Variants in SLC38A10 observed in about 807,000 individuals in gnomAD.
SLC38A10 encodes solute carrier family 38 member 10.
Under a neutral mutation model 81.0 loss-of-function variants are expected in SLC38A10, and 53 were observed. The ratio of observed to expected loss-of-function variants is 0.65; its 90% CI spans 0.53 to 0.82. The LOEUF is 0.82. Ranked by LOEUF, SLC38A10 falls within the 40% of genes least tolerant of loss-of-function variation. The pLI, the probability that SLC38A10 is intolerant of heterozygous loss-of-function variation, is 0.00. For synonymous variants in SLC38A10, 665 were observed against 655.3 expected (o/e 1.01, Z -0.23); for missense variants, 1,471 against 1,545.0 (o/e 0.95, Z 0.80).
chr17:81,287,079 C>T (rs1380653122), intron 2 of SLC38A10, among the ~76,000 whole-genome samples: 4 of 152,144 alleles, frequency 2.6e-5, no homozygotes, highest in Admixed American at 6.5e-5. Flanking sequence ...GAGAAGGTGA[C>T]GAAAACGACA....
At chr17:81,267,409 T>C (rs867848087) in intron 10 of SLC38A10, among the ~76,000 whole-genome samples, 4 of 152,122 alleles carry the variant, frequency 2.6e-5, no homozygotes, top group East Asian at 1.9e-4. Flanking sequence ...GCCCTCCCCC[T>C]CCTTCTTCTT....
chr17:81,274,145 C>T (rs2063140587), intron 8 of SLC38A10, among the ~76,000 whole-genome samples: 1 of 152,254 alleles, frequency 6.6e-6, no homozygotes, highest in Non-Finnish European at 1.5e-5. Context: ...TGGCCAGATG[C>T]GCGGAGGGAC....
Position 81,294,888 on chromosome 17 carries a change from T to A in SLC38A10, c.34A>T (p.Ile12Phe). The change falls in exon 1 of 16, where the codon ATC (isoleucine) becomes TTC (phenylalanine). Residue 12 changes from isoleucine to phenylalanine, a missense_variant. Around this residue, in one of 2 missense-constraint regions of SLC38A10, gnomAD observed 720 missense variants for 827.7 expected, o/e 0.87. Coordinates refer to ENST00000374759, the MANE Select transcript of SLC38A10 (RefSeq NM_001037984.3). ...ACGATGCTGTTCACGATGTTCGTGA[T>A]CAGCCCCCAGTTGGAGGCGGCGGCC... ...TAAAASNWGL[I>F]TNIVNSIVGV... 6.3e-7 allele frequency: 1 copy of A among 1,595,194 alleles called. No individual in the cohort carries two copies. The highest frequency in any genetic ancestry group is 1.7e-5 in the Admixed American group (1 of 57,752).
At chr17:81,258,076 G>C (rs2062988838) in intron 11 of SLC38A10, among the ~76,000 whole-genome samples, 1 of 152,214 alleles carries the variant, frequency 6.6e-6, no homozygotes. Flanking sequence ...GCCGTGCATG[G>C]GGCCCCGGCT....
chr17:81,286,971 A>C lies in SLC38A10; in HGVS notation c.218-2076T>G, dbSNP rs1192350648. 6.6e-6 allele frequency among the ~76,000 whole-genome samples: 1 copy of C among 152,236 alleles called. No homozygotes were observed. The highest frequency in any genetic ancestry group is 1.5e-5 in the Non-Finnish European group (1 of 68,044). ...CTTCATGAGAAGCCGCGACAGCTGA[A>C]GGAGGCTGAATGACTGATGTATCTG... is the stretch of plus-strand genomic sequence containing the variant. On this transcript the variant is annotated intron_variant, in intron 2 of 15. Transcript: ENST00000374759. The surrounding 1 kb of genome is among the most constrained non-coding windows in gnomAD (Gnocchi z 6.0).
Position 81,249,088 on chromosome 17 carries a change from A to G in SLC38A10, c.2066-2027T>C, listed in dbSNP as rs144841421. Among the ~76,000 whole-genome samples, 180 of 150,292 alleles carry G rather than the reference A, an allele frequency of 1.2e-3. 2 individuals carry two copies. In the East Asian group the frequency reaches 0.027, roughly 23 times the overall value. ...CCATGTGCTGGTGACACCTCCCCAT[A>G]CTCCAGGGCAGGGTTCCGAAAGAGC... is the stretch of plus-strand genomic sequence containing the variant. On this transcript the variant is annotated intron_variant, in intron 14 of 15. Coordinates refer to ENST00000374759, the MANE Select transcript of SLC38A10 (RefSeq NM_001037984.3).
chr17:81,272,645 A>G lies in SLC38A10; in HGVS notation c.913-18T>C. The G allele has an allele frequency of 6.6e-7, 1 of 1,518,326 alleles. No individual in the cohort carries two copies. The highest frequency in any genetic ancestry group is 8.8e-7 in the Non-Finnish European group (1 of 1,133,162). 94.1% of individuals were successfully genotyped at this position (1,518,326 alleles called of 1,614,324 possible). A position where few individuals can be genotyped will look rare whatever the true frequency, so the allele number is the denominator to read the frequency against. On this transcript the variant is annotated intron_variant, in intron 8 of 15. Transcript: ENST00000374759. ...TCTTTTTGCTGTACAAAAGAAAAAC[A>G]AAAGGTTTTGAAATGACTGATTTCC...
chr17:81,271,211 G>C (rs545721619), intron 9 of SLC38A10, among the ~76,000 whole-genome samples, 187 bp from the exon 10 acceptor site: 1 of 152,356 alleles, frequency 6.6e-6, no homozygotes, highest in Non-Finnish European at 1.5e-5. Flanking sequence ...TCCTCCAACA[G>C]TGCATTTAGG....
intron 10 of SLC38A10, among the ~76,000 whole-genome samples, chr17:81,261,611 G>A (rs1812524766): frequency 6.6e-6 from 1 of 152,268 alleles, no homozygotes; most frequent in African/African-American, 2.4e-5. Context: ...GCTGGTGGCA[G>A]CTGAAAAAGA....
rs1313421618 is a variant in SLC38A10 at position 81,277,179 on chromosome 17, C to T, written c.627-46G>A. ...TCACAGCGGACCTGAGAGAGGCACG[C>T]CCTCCCCAGCGGCTCCACTTCTAGG... On this transcript the variant is annotated intron_variant, in intron 6 of 15. Coordinates refer to ENST00000374759, the MANE Select transcript of SLC38A10 (RefSeq NM_001037984.3). This position sits in a 1 kb window ranked among gnomAD's most constrained non-coding sequence, Gnocchi z 4.5. 6.4e-7 allele frequency: 1 copy of T among 1,569,250 alleles called. No individual in the cohort carries two copies. Among genetic ancestry groups the T allele is most frequent in the Non-Finnish European group, 8.8e-7 (1 of 1,142,428 alleles).
rs1349390349 is a variant in SLC38A10, at chr17:81,247,318, A to T, written c.2066-257T>A. The T allele has an allele frequency of 3.3e-5, 12 of 369,076 alleles. No homozygotes were observed. In the East Asian group the frequency reaches 5.0e-4, roughly 15 times the overall value. 22.9% of individuals were successfully genotyped at this position (369,076 alleles called of 1,614,324 possible). Reference sequence around the variant, plus strand: ...CCACCCGGGATGGCCTCTCCCGCACAGCCAGCCACTGTGCCGCATCAGTTC... The same window carrying T: ...CCACCCGGGATGGCCTCTCCCGCACTGCCAGCCACTGTGCCGCATCAGTTC... On this transcript the variant is annotated intron_variant, in intron 14 of 15. Coordinates refer to ENST00000374759, the MANE Select transcript of SLC38A10 (RefSeq NM_001037984.3).
intron 10 of SLC38A10, among the ~76,000 whole-genome samples, chr17:81,266,823 C>T (rs1047531023): frequency 9.9e-5 from 15 of 152,248 alleles, no homozygotes; most frequent in African/African-American, 2.9e-4. Flanking sequence ...AGTGTAAAGA[C>T]GGCAATTCCC....
chr17:81,272,583 G>C lies in SLC38A10; in HGVS notation c.957C>G (p.Leu319=). Residue 319 remains leucine, a synonymous_variant, in exon 9 of 16, where the codon CTC becomes CTG. Transcript: ENST00000374759. ...TFAAGGYMPP[L]RFKALTLSVV... ...CAGAGAGGGTAAGTGCTTTAAACCG[G>C]AGAGGGGGCATGTAGCCCCCTGCTG... 6.3e-7 allele frequency: 1 copy of C among 1,585,898 alleles called. No homozygotes were observed. The highest frequency in any genetic ancestry group is 1.2e-5 in the South Asian group (1 of 86,846).
rs2062942731 is a variant in SLC38A10 at position 81,253,700 on chromosome 17, TCACCATCAC to T, written c.1289-469_1289-461del. On this transcript the variant is annotated intron_variant, in intron 11 of 15. Coordinates refer to ENST00000374759, the MANE Select transcript of SLC38A10 (RefSeq NM_001037984.3). This position sits in a 1 kb window ranked among gnomAD's most constrained non-coding sequence, Gnocchi z 4.1. Reference sequence around the variant, plus strand: ...ATCCCTACCACCAACATCACCATCATCACCATCACCATCACCATCATCACCATCTCCATC... The same window carrying T: ...ATCCCTACCACCAACATCACCATCATCATCACCATCATCACCATCTCCATC... Among the ~76,000 whole-genome samples, 1 of 144,672 alleles carries T rather than the reference TCACCATCAC, an allele frequency of 6.9e-6. No homozygotes were observed. The highest frequency in any genetic ancestry group is 2.6e-5 in the African/African-American group (1 of 38,574). 94.9% of individuals were successfully genotyped at this position (144,672 alleles called of 152,430 possible).
intron 1 of SLC38A10, among the ~76,000 whole-genome samples, chr17:81,294,482 T>TA (rs1281821572): frequency 1.3e-5 from 2 of 152,226 alleles, no homozygotes; most frequent in Admixed American, 6.5e-5. Context: ...TCAGAGTTTT[T>TA]AAAAACACGA....
In SLC38A10 at chr17:81,251,556, C is replaced by G. The variant is rs546752852; in HGVS notation, c.2002G>C (p.Glu668Gln). 21 of 1,509,838 alleles carry G rather than the reference C, an allele frequency of 1.4e-5. No homozygotes were observed. Among genetic ancestry groups the G allele is most frequent in the Non-Finnish European group, 1.8e-5 (20 of 1,134,354 alleles). The allele number at this position is 1,509,838 out of a possible 1,614,324, so 93.5% of individuals were successfully genotyped here. A position where few individuals can be genotyped will look rare whatever the true frequency, so the allele number is the denominator to read the frequency against. The change falls in exon 14 of 16, where the codon GAG becomes CAG. Residue 668 changes from glutamate to glutamine, a missense_variant. By Grantham distance (29) the Glu-to-Gln change is conservative. Around this residue, in one of 2 missense-constraint regions of SLC38A10, gnomAD observed 751 missense variants for 717.4 expected, o/e 1.05. Coordinates refer to ENST00000374759, the MANE Select transcript of SLC38A10 (RefSeq NM_001037984.3). ...TCCACGTCCCTCTGCTCGCGAGGCT[C>G]GGGCGGCAGCCCAGGCCCTGGAGCC... ...KPAPGPGLPP[E>Q]PREQRDVERA... is the part of the protein sequence containing the mutation.
At chr17:81,256,281 C>G (rs901951458) in intron 11 of SLC38A10, among the ~76,000 whole-genome samples, 1 of 152,190 alleles carries the variant, frequency 6.6e-6, no homozygotes. Flanking sequence ...CAGACATGCT[C>G]GGGGACTTGG....
chr17:81,278,134 A>G (rs1023183206), intron 6 of SLC38A10, among the ~76,000 whole-genome samples: 1 of 151,856 alleles, frequency 6.6e-6, no homozygotes, highest in Non-Finnish European at 1.5e-5. Flanking sequence ...GAAAGAAAAC[A>G]CAGGACATCA....
At chr17:81,293,046 C>T (rs148933785) in intron 1 of SLC38A10, among the ~76,000 whole-genome samples, 2,508 of 152,266 alleles carry the variant, frequency 0.016, 71 homozygotes, top group African/African-American at 0.058. Context: ...GCCTGTAATC[C>T]CAGCTACTTG....
Sources: gnomAD v4.1 joint callset for allele counts (sites outside exome capture counted in the v4.1 genomes callset) on GRCh38, gnomAD v4.1.1 for gene constraint, gnomAD v4.1.1 regional missense constraint, Gnocchi (gnomAD v3.1) non-coding constraint, MANE v1.5 for transcripts, NCBI Gene and HGNC (gene_info 2026-07-23, HGNC 2026-07-21) for gene names.